WNT7B: variants seen among roughly 807,000 people sequenced by gnomAD.
WNT7B encodes Wnt family member 7B.
WNT7B carries 19 observed loss-of-function variants against 38.2 expected under a neutral mutation model. That is an observed-to-expected ratio of 0.50 (90% CI 0.35 to 0.73). WNT7B has a LOEUF of 0.73. Among genes scored for constraint, WNT7B ranks in the 30% least tolerant of loss-of-function variants. The pLI, the probability that WNT7B is intolerant of heterozygous loss-of-function variation, is 0.01. For synonymous variants in WNT7B, 243 were observed against 209.3 expected, an observed-to-expected ratio of 1.16 and a Z score of -1.39; for missense variants, 423 against 507.9, an observed-to-expected ratio of 0.83 and a Z score of 1.61.
At chr22:45,972,116 G>GGGCCCCCC in intron 1 of WNT7B, 22 of 530,694 alleles carry the variant, frequency 4.1e-5, no homozygotes, top group East Asian at 7.4e-5. Flanking sequence ...CCCGGGGGGA[G>GGGCCCCCC]CCCACCCGCC....
At chr22:45,940,979 C>A (rs150415436) in intron 2 of WNT7B, among the ~76,000 whole-genome samples, 2 of 152,296 alleles carry the variant, frequency 1.3e-5, no homozygotes, top group East Asian at 3.9e-4. Flanking sequence ...ACCATGTTGC[C>A]CTCAGAGAAG....
At chr22:45,928,811 A>C (rs568061911) in intron 3 of WNT7B, among the ~76,000 whole-genome samples, 1 of 152,252 alleles carries the variant, frequency 6.6e-6, no homozygotes, top group East Asian at 1.9e-4. Flanking sequence ...TAGCCCAGAG[A>C]CCAACACCAC....
intron 1 of WNT7B, among the ~76,000 whole-genome samples, chr22:45,963,242 C>G (rs569918832): frequency 1.3e-5 from 2 of 152,298 alleles, no homozygotes; most frequent in South Asian, 4.1e-4. Flanking sequence ...CAGAAGTCCC[C>G]TATGCATAAT....
Position 45,931,266 on chromosome 22 carries a change from G to A in WNT7B, c.402C>T (p.Asp134=), listed in dbSNP as rs375591065. Residue 134 remains aspartate (D), a synonymous_variant, in exon 3 of 4, where the codon GAC becomes GAT. Transcript: ENST00000339464. The part of the protein sequence containing the change: ...SQGNLSNCGC[D]REKQGYYNQA... The stretch of plus-strand genomic sequence containing the variant: ...GGTTGTAGTAGCCCTGCTTCTCGCG[G>A]TCGCAGCCGCAGTTGCTCAGGTTCC... The A allele has an allele frequency of 8.8e-6, 14 of 1,598,674 alleles. No individual in the cohort carries two copies. In the African/African-American group the frequency reaches 1.2e-4, roughly 14 times the overall value.
Position 45,942,450 on chromosome 22 carries a change from G to A in WNT7B, c.298+7470C>T, listed in dbSNP as rs116490300. Among the ~76,000 whole-genome samples the A allele has an allele frequency of 2.3e-3, 353 of 152,360 alleles. 1 individual carries two copies. The highest frequency in any genetic ancestry group is 7.9e-3 in the African/African-American group (327 of 41,590). On this transcript the variant is annotated intron_variant, in intron 2 of 3. Coordinates refer to ENST00000339464, the MANE Select transcript of WNT7B (RefSeq NM_058238.3). ...ACACAGAGCTCAGGCTGGGGACATC[G>A]GGGTGGAGGCAGAGACCAAGGCACA...
At chr22:45,959,163 G>A (rs1229237796) in intron 1 of WNT7B, among the ~76,000 whole-genome samples, 5 of 152,304 alleles carry the variant, frequency 3.3e-5, no homozygotes, top group East Asian at 3.9e-4. Flanking sequence ...ACTCTTCCCC[G>A]ACAGAGGCCC....
Position 45,945,106 on chromosome 22 carries a change from G to A in WNT7B, c.298+4814C>T, listed in dbSNP as rs150002897. On this transcript the variant is annotated intron_variant, in intron 2 of 3. Coordinates refer to ENST00000339464, the MANE Select transcript of WNT7B (RefSeq NM_058238.3). Reference sequence around the variant, plus strand: ...GAACTTAATTTTTTTTTTTTGAGACGGAGATTCACTCTTGTTGCCCAGGCT... The same window carrying A: ...GAACTTAATTTTTTTTTTTTGAGACAGAGATTCACTCTTGTTGCCCAGGCT... Among the ~76,000 whole-genome samples, 668 of 151,132 alleles carry A rather than the reference G, an allele frequency of 4.4e-3. 5 individuals are homozygous for A. The highest frequency in any genetic ancestry group is 0.014 in the African/African-American group (587 of 41,082).
intron 1 of WNT7B, among the ~76,000 whole-genome samples, chr22:45,962,646 A>G (rs2146746440): frequency 6.6e-6 from 1 of 152,242 alleles, no homozygotes; most frequent in East Asian, 1.9e-4. Flanking sequence ...CCCAGGTCTT[A>G]CTCTGGCCCT....
rs186155268 is a variant in WNT7B at position 45,943,623 on chromosome 22, G to A, written c.298+6297C>T. Among the ~76,000 whole-genome samples, 379 of 152,320 alleles carry A rather than the reference G, an allele frequency of 2.5e-3. 2 individuals carry two copies. The highest frequency in any genetic ancestry group is 8.6e-3 in the African/African-American group (358 of 41,576). Reference sequence around the variant, plus strand: ...GCTGCCCCAGGGCCTCTCAGCACCTGGATCCTGGCGGGCGGTTCCCTGAGA... The same window carrying A: ...GCTGCCCCAGGGCCTCTCAGCACCTAGATCCTGGCGGGCGGTTCCCTGAGA... On this transcript the variant is annotated intron_variant, in intron 2 of 3. Transcript: ENST00000339464.
intron 2 of WNT7B, among the ~76,000 whole-genome samples, chr22:45,939,641 ACACACACT>A (rs1394612619): frequency 0.013 from 1,966 of 147,900 alleles, 58 homozygotes; most frequent in African/African-American, 0.049. Context: ...AAACACACAC[ACACACACT>A]CACACACACA....
At chr22:45,955,277 G>T (rs1020425174) in intron 1 of WNT7B, among the ~76,000 whole-genome samples, 1 of 152,252 alleles carries the variant, frequency 6.6e-6, no homozygotes, top group Non-Finnish European at 1.5e-5. Context: ...TGGAGGCGAG[G>T]GGGCTGGGGA....
At chr22:45,959,851 G>A (rs1356067236) in intron 1 of WNT7B, among the ~76,000 whole-genome samples, 4 of 152,096 alleles carry the variant, frequency 2.6e-5, no homozygotes, top group African/African-American at 9.7e-5. Context: ...GCTCTCCGTG[G>A]GGGAGACACG....
At chr22:45,957,414 T>C (rs1738620532) in intron 1 of WNT7B, among the ~76,000 whole-genome samples, 2 of 152,062 alleles carry the variant, frequency 1.3e-5, no homozygotes, top group South Asian at 4.2e-4. Context: ...CCGGGCACGG[T>C]GGCTCACACC....
chr22:45,930,536 G>C (rs1447461323), intron 3 of WNT7B, among the ~76,000 whole-genome samples: 1 of 152,156 alleles, frequency 6.6e-6, no homozygotes, highest in Non-Finnish European at 1.5e-5. Context: ...TTCTTCCCCG[G>C]TGTGTCCCTG....
At position 45,976,700 on chromosome 22, in the gene WNT7B, G is replaced by C; in HGVS notation, c.55C>G (p.Leu19Val). The C allele has an allele frequency of 6.2e-7, 1 of 1,609,706 alleles. No homozygotes were observed. Among genetic ancestry groups the C allele is most frequent in the Non-Finnish European group, 8.5e-7 (1 of 1,177,574 alleles). The change falls in exon 1 of 4, where the codon CTG becomes GTG. Residue 19 changes from leucine to valine, a missense_variant. Transcript: ENST00000339464. This position sits in a 1 kb window ranked among gnomAD's most constrained non-coding sequence, Gnocchi z 8.5. ...GGTACTCACCCGAGCTTCACGTACA[G>C]GACGCCAAAGCAGAGAAACACGTAG... ...IFYVFLCFGV[L>V]YVKLGALSSV... is the part of the protein sequence containing the mutation.
chr22:45,940,049 A>C (rs1931608032), intron 2 of WNT7B, among the ~76,000 whole-genome samples: 1 of 152,186 alleles, frequency 6.6e-6, no homozygotes. Context: ...CTGCAGTGAC[A>C]GCTACACAAC....
chr22:45,931,120 T>C lies in WNT7B; in HGVS notation c.548A>G (p.His183Arg). The stretch of plus-strand genomic sequence containing the variant: ...TACCTTCCTGCCGGCCTCATTGTTA[T>C]GCAGGTTCATGAGGCGCCGCGCGTT... ...KKNARRLMNL[H>R]NNEAGRKVLE... Residue 183 changes from histidine to arginine, a missense_variant, in exon 3 of 4, where the codon CAT (histidine) becomes CGT (arginine). By Grantham distance (29) the His-to-Arg change is conservative. Coordinates refer to ENST00000339464, the MANE Select transcript of WNT7B (RefSeq NM_058238.3). The C allele has an allele frequency of 6.3e-7, 1 of 1,588,174 alleles. No homozygotes were observed. Among genetic ancestry groups the C allele is most frequent in the Non-Finnish European group, 8.5e-7 (1 of 1,169,702 alleles).
intron 1 of WNT7B, chr22:45,954,645 C>T (rs1569121064): frequency 2.0e-6 from 2 of 985,348 alleles, no homozygotes. Context: ...GTAAAGGCAT[C>T]AGGGAATAGA....
Position 45,975,386 on chromosome 22 carries a change from G to A in WNT7B, c.71+1298C>T, listed in dbSNP as rs1184156475. ...CTCACCTCCATAAACAAACACCCAGGGACACAGCCTACCCACAGACCTATG... is the reference window on the plus strand; with the variant it reads ...CTCACCTCCATAAACAAACACCCAGAGACACAGCCTACCCACAGACCTATG... On this transcript the variant is annotated intron_variant, in intron 1 of 3. Coordinates refer to ENST00000339464, the MANE Select transcript of WNT7B (RefSeq NM_058238.3). This position sits in a 1 kb window ranked among gnomAD's most constrained non-coding sequence, Gnocchi z 6.6. 2.0e-5 allele frequency among the ~76,000 whole-genome samples: 3 copies of A among 152,044 alleles called. No individual in the cohort carries two copies. Among genetic ancestry groups the A allele is most frequent in the Admixed American group, 6.6e-5 (1 of 15,266 alleles).
Sources: allele counts gnomAD v4.1 joint callset (sites outside exome capture counted in the v4.1 genomes callset), GRCh38; gene constraint gnomAD v4.1.1; non-coding constraint Gnocchi (gnomAD v3.1); transcripts MANE v1.5; gene names NCBI Gene and HGNC (gene_info 2026-07-23, HGNC 2026-07-21).